The following CPN1 variants were observed in gnomAD, a reference collection of about 807,000 sequenced individuals.
CPN1 encodes the protein carboxypeptidase N subunit 1.
Under a neutral mutation model 46.4 loss-of-function variants are expected in CPN1, and 37 were observed. The ratio of observed to expected loss-of-function variants is 0.80; its 90% CI spans 0.61 to 1.05. The LOEUF (loss-of-function observed/expected upper bound fraction) is 1.05. CPN1 is among the 50% of genes least tolerant of loss of function. The probability of loss-of-function intolerance (pLI) is 0.00; values close to 1 mark genes in which losing one functional copy is unlikely to be tolerated. For synonymous variants in CPN1, 224 were observed against 235.4 expected, an observed-to-expected ratio of 0.95 and a Z score of 0.44; for missense variants, 563 against 602.6, an observed-to-expected ratio of 0.93 and a Z score of 0.69.
intron 7 of CPN1, among the ~76,000 whole-genome samples, chr10:100,053,858 C>G (rs997178090): frequency 2.6e-5 from 4 of 152,200 alleles, no homozygotes; most frequent in Admixed American, 1.3e-4. Context: ...CACCATCAAT[C>G]TTGCCCCCAC....
chr10:100,065,984 C>T (rs1374305832), intron 3 of CPN1, among the ~76,000 whole-genome samples: 1 of 150,640 alleles, frequency 6.6e-6, no homozygotes, highest in East Asian at 2.0e-4. Flanking sequence ...GAGACAGGAT[C>T]TTACTCTGTC....
intron 5 of CPN1, among the ~76,000 whole-genome samples, chr10:100,057,998 C>A (rs1027897799): frequency 6.6e-6 from 1 of 152,030 alleles, no homozygotes; most frequent in East Asian, 1.9e-4. Context: ...TCCAGCACCC[C>A]CTTCATTACC....
At chr10:100,055,454 C>G (rs146138543) in intron 6 of CPN1, among the ~76,000 whole-genome samples, 16 of 150,304 alleles carry the variant, frequency 1.1e-4, no homozygotes, top group African/African-American at 3.9e-4. Context: ...CAGTATTTGT[C>G]TTTTTGTGGA....
At chr10:100,065,067 C>G (rs903032318) in intron 4 of CPN1, 121 bp downstream of exon 4, 28 of 1,207,810 alleles carry the variant, frequency 2.3e-5, no homozygotes, top group African/African-American at 3.0e-5. Context: ...TCCTCACAAA[C>G]AAGCGGTATT....
intron 8 of CPN1, among the ~76,000 whole-genome samples, chr10:100,045,958 T>C (rs568884585): frequency 4.6e-4 from 70 of 152,340 alleles, no homozygotes; most frequent in African/African-American, 1.4e-3. Context: ...TAAATAGGAC[T>C]GCCTCATTAT....
Position 100,081,329 on chromosome 10 carries a change from A to G in CPN1, c.223+74T>C, listed in dbSNP as rs981640593. 5 of 1,376,550 alleles carry G rather than the reference A, an allele frequency of 3.6e-6. No homozygotes were observed. The East Asian group carries it at 9.9e-5, about 27-fold the overall frequency. The allele number at this position is 1,376,550 out of a possible 1,614,324, so 85.3% of individuals were successfully genotyped here. ...CGGAGGCGTCCACGGACCACCCCAG[A>G]AACCACTCCAATTACTGGATTTGCA... On this transcript the variant is annotated intron_variant, in intron 1 of 8. Coordinates refer to ENST00000370418, the MANE Select transcript of CPN1 (RefSeq NM_001308.3).
rs764344215 is a variant in CPN1, at chr10:100,057,080, G to A, written c.944C>T (p.Pro315Leu). ...ITLELSCDKF[P>L]PEEELQREWL... The stretch of plus-strand genomic sequence containing the variant: ...CTCCCGCTGTAACTCCTCTTCGGGG[G>A]GAAACTTGTCGCAACTCAGTTCCAG... The change falls in exon 6 of 9, where the codon CCC becomes CTC. Residue 315 changes from proline to leucine, a missense_variant. Coordinates refer to ENST00000370418, the MANE Select transcript of CPN1 (RefSeq NM_001308.3). The A allele has an allele frequency of 1.9e-6, 3 of 1,614,118 alleles. No homozygotes were observed. In the Admixed American group the frequency reaches 5.0e-5, roughly 27 times the overall value.
chr10:100,078,540 T>A (rs2041527732), intron 1 of CPN1, among the ~76,000 whole-genome samples: 1 of 152,194 alleles, frequency 6.6e-6, no homozygotes, highest in South Asian at 2.1e-4. Flanking sequence ...AAAACTTTTT[T>A]ATAAAGAACT....
chr10:100,076,194 A>G, intron 1 of CPN1, 87 bp from the exon 2 acceptor site: 1 of 1,289,036 alleles, frequency 7.8e-7, no homozygotes, highest in South Asian at 1.2e-5. Flanking sequence ...TTTTTCAGTA[A>G]CGAATGAAAG....
At chr10:100,056,171 T>A (rs1011727443) in intron 6 of CPN1, among the ~76,000 whole-genome samples, 14 of 152,234 alleles carry the variant, frequency 9.2e-5, no homozygotes, top group Non-Finnish European at 1.5e-4. Context: ...GTTCTGTTTT[T>A]TTGATAGCAG....
At position 100,057,087 on chromosome 10, in the gene CPN1, TGTCGCAAC is replaced by T; in HGVS notation, c.929_936del (p.Ser310LysfsTer15). 2 of 1,614,168 alleles carry T rather than the reference TGTCGCAAC, an allele frequency of 1.2e-6. No individual in the cohort carries two copies. Among genetic ancestry groups the T allele is most frequent in the Non-Finnish European group, 1.7e-6 (2 of 1,180,034 alleles). ...TGTAACTCCTCTTCGGGGGGAAACTTGTCGCAACTCAGTTCCAGCGTGATCTCAAAGCA... is the reference window on the plus strand; with the variant it reads ...TGTAACTCCTCTTCGGGGGGAAACTTTCAGTTCCAGCGTGATCTCAAAGCA... On this transcript the variant is annotated frameshift_variant, in exon 6 of 9. Transcript: ENST00000370418. LOFTEE classifies it high-confidence loss of function.
intron 5 of CPN1, among the ~76,000 whole-genome samples, chr10:100,063,138 C>T (rs1455211295): frequency 2.0e-5 from 3 of 151,472 alleles, no homozygotes; most frequent in South Asian, 4.2e-4. Context: ...TTTGTTTTTT[C>T]GAGACGGAGT....
chr10:100,074,034 TC>T (rs145901066), intron 2 of CPN1, among the ~76,000 whole-genome samples: 15 of 150,312 alleles, frequency 1.0e-4, no homozygotes, highest in East Asian at 2.0e-4. Context: ...CTGGGCCCCA[TC>T]CCCCCCCCAC....
intron 5 of CPN1, among the ~76,000 whole-genome samples, chr10:100,061,926 T>C (rs7906181): frequency 0.38 from 57,355 of 151,960 alleles, 11,267 homozygotes; most frequent in Non-Finnish European, 0.43. Flanking sequence ...ACTGTAGCCT[T>C]GAACTCCCAC....
At chr10:100,058,846 T>C (rs538762094) in intron 5 of CPN1, among the ~76,000 whole-genome samples, 94 of 152,286 alleles carry the variant, frequency 6.2e-4, no homozygotes, top group African/African-American at 2.0e-3. Context: ...AAGACAGGTA[T>C]ATAGATCAAT....
rs2041399318 is a variant in CPN1 at position 100,058,695 on chromosome 10, G to C, written c.872-1543C>G. ...GAAAGCCCATCCTAAAATTCATATGGAATTTTAAGCAACCCAGAAGAGCAA... is the reference window on the plus strand; with the variant it reads ...GAAAGCCCATCCTAAAATTCATATGCAATTTTAAGCAACCCAGAAGAGCAA... On this transcript the variant is annotated intron_variant, in intron 5 of 8. Coordinates refer to ENST00000370418, the MANE Select transcript of CPN1 (RefSeq NM_001308.3). Among the ~76,000 whole-genome samples the C allele has an allele frequency of 2.6e-5, 4 of 152,030 alleles. No homozygotes were observed. In the South Asian group the frequency reaches 8.3e-4, roughly 32 times the overall value.
At chr10:100,073,129 G>T (rs2041494894) in intron 2 of CPN1, among the ~76,000 whole-genome samples, 2 of 152,124 alleles carry the variant, frequency 1.3e-5, no homozygotes, top group Admixed American at 1.3e-4. Context: ...CACCCTGCTT[G>T]TATTTCATTT....
At chr10:100,067,083 G>T (rs971246618) in intron 3 of CPN1, among the ~76,000 whole-genome samples, 1 of 152,106 alleles carries the variant, frequency 6.6e-6, no homozygotes, top group African/African-American at 2.4e-5. Context: ...CATTCTTCTG[G>T]TTGGATATCC....
chr10:100,062,501 TAC>T (rs1456232631), intron 5 of CPN1, among the ~76,000 whole-genome samples: 1 of 152,164 alleles, frequency 6.6e-6, no homozygotes, highest in African/African-American at 2.4e-5. Flanking sequence ...CTTTTTAAAA[TAC>T]AGTTACACCA....
Sources: allele counts gnomAD v4.1 joint callset (sites outside exome capture counted in the v4.1 genomes callset), GRCh38; gene constraint gnomAD v4.1.1; transcripts MANE v1.5; gene names NCBI Gene and HGNC (gene_info 2026-07-23, HGNC 2026-07-21).